STAC: variants seen among roughly 807,000 people sequenced by gnomAD.
The protein encoded by STAC is SH3 and cysteine-rich domain-containing protein.
A neutral mutation model predicts 48.8 loss-of-function variants in STAC; 43 were observed. The observed-to-expected ratio is 0.88, with a 90% CI of 0.69 to 1.14. STAC has a LOEUF of 1.14. Ranked by LOEUF, STAC falls within the 50% of genes most tolerant of loss-of-function variation. The pLI, the probability that STAC is intolerant of heterozygous loss-of-function variation, is 0.00. For missense variants in STAC, 497 were observed against 504.0 expected (o/e 0.99, Z 0.13); for synonymous variants, 193 against 179.5 (o/e 1.07, Z -0.60).
chr3:36,399,083 T>C (rs1396433800), intron 1 of STAC, among the ~76,000 whole-genome samples: 2 of 152,228 alleles, frequency 1.3e-5, no homozygotes, highest in African/African-American at 2.4e-5. Context: ...GGCAGGACTT[T>C]TTTTTTAACT....
At chr3:36,449,206 C>T (rs1284855077) in intron 2 of STAC, among the ~76,000 whole-genome samples, 1 of 152,002 alleles carries the variant, frequency 6.6e-6, no homozygotes, top group Non-Finnish European at 1.5e-5. Context: ...TCTAGCCTAC[C>T]CCCTTTGGAT....
At chr3:36,514,204 CTTTTTTTTTTTTTTTTTTT>C (rs765548085) in intron 8 of STAC, among the ~76,000 whole-genome samples, 2 of 36,422 alleles carry the variant, frequency 5.5e-5, no homozygotes, top group African/African-American at 2.0e-4. Flanking sequence ...CACTGGCCTT[CTTTTTTTTTTTTTTTTTTT>C]TTTTTTTTTT....
At chr3:36,519,068 CTTGT>C (rs1698740081) in intron 8 of STAC, among the ~76,000 whole-genome samples, 1 of 152,106 alleles carries the variant, frequency 6.6e-6, no homozygotes. Flanking sequence ...GCTGGGAAGC[CTTGT>C]TAGTGAGCAG....
chr3:36,465,619 A>C (rs7623278), intron 2 of STAC, among the ~76,000 whole-genome samples: 7 of 152,014 alleles, frequency 4.6e-5, no homozygotes, highest in African/African-American at 1.7e-4. Flanking sequence ...CAGAACTAAC[A>C]GTACTAAAGG....
At chr3:36,464,831 T>TA (rs1185159067) in intron 2 of STAC, among the ~76,000 whole-genome samples, 115 of 138,580 alleles carry the variant, frequency 8.3e-4, no homozygotes, top group Non-Finnish European at 1.5e-3. Flanking sequence ...TGTGTGTGTA[T>TA]TTTTTTTTTT....
At chr3:36,512,300 G>A in intron 8 of STAC, among the ~76,000 whole-genome samples, 1 of 152,188 alleles carries the variant, frequency 6.6e-6, no homozygotes, top group Non-Finnish European at 1.5e-5. Context: ...GTGAGCCAGA[G>A]CAGAGCCTGC....
chr3:36,544,239 G>A (rs1427053470), intron 10 of STAC, among the ~76,000 whole-genome samples: 14 of 152,038 alleles, frequency 9.2e-5, no homozygotes, highest in South Asian at 2.1e-4. Context: ...ATGTGATCTC[G>A]GCTCACTGCA....
At chr3:36,399,581 C>T (rs1699959766) in intron 1 of STAC, among the ~76,000 whole-genome samples, 1 of 152,110 alleles carries the variant, frequency 6.6e-6, no homozygotes, top group Non-Finnish European at 1.5e-5. Flanking sequence ...TTTCATTTGG[C>T]CAATTTAAAG....
chr3:36,396,458 G>A (rs1699860122), intron 1 of STAC, among the ~76,000 whole-genome samples: 1 of 152,080 alleles, frequency 6.6e-6, no homozygotes, highest in Admixed American at 6.5e-5. Flanking sequence ...ACTATACAAA[G>A]TTAGTCACTA....
intron 2 of STAC, among the ~76,000 whole-genome samples, chr3:36,460,574 G>A (rs1414990992): frequency 1.3e-5 from 2 of 152,090 alleles, no homozygotes; most frequent in Non-Finnish European, 2.9e-5. Flanking sequence ...TAGGAGAAGG[G>A]GTGCTGCCGG....
chr3:36,429,505 T>TTC (rs762195178), intron 1 of STAC, among the ~76,000 whole-genome samples: 45 of 152,144 alleles, frequency 3.0e-4, no homozygotes, highest in Non-Finnish European at 5.6e-4. Flanking sequence ...GCCTTCACAT[T>TTC]TCTCTCTCTC....
chr3:36,509,494 T>C (rs184317013), intron 8 of STAC, among the ~76,000 whole-genome samples: 1 of 152,168 alleles, frequency 6.6e-6, no homozygotes, highest in Non-Finnish European at 1.5e-5. Context: ...CCCTGAAGAG[T>C]GTTTTCCAAC....
At chr3:36,467,436 GTC>G (rs534110949) in intron 2 of STAC, among the ~76,000 whole-genome samples, 51 of 152,168 alleles carry the variant, frequency 3.4e-4, no homozygotes, top group African/African-American at 1.2e-3. Flanking sequence ...TTCTTTGAAT[GTC>G]TCTGATAGAA....
At chr3:36,458,975 C>T (rs778578463) in intron 2 of STAC, among the ~76,000 whole-genome samples, 1 of 152,152 alleles carries the variant, frequency 6.6e-6, no homozygotes, top group Non-Finnish European at 1.5e-5. Flanking sequence ...GCTAGTGATG[C>T]TAGTCCATGA....
At chr3:36,413,772 A>G (rs1055329489) in intron 1 of STAC, among the ~76,000 whole-genome samples, 1 of 152,198 alleles carries the variant, frequency 6.6e-6, no homozygotes, top group Non-Finnish European at 1.5e-5. Context: ...CCTAGCATCA[A>G]TAGTCTTTAC....
intron 2 of STAC, among the ~76,000 whole-genome samples, chr3:36,464,554 A>C (rs1363658987): frequency 6.6e-6 from 1 of 152,036 alleles, no homozygotes. Flanking sequence ...AGCAGTGTAC[A>C]CTGTACCAAT....
Position 36,400,616 on chromosome 3 carries a change from T to C in STAC, c.111+19862T>C, listed in dbSNP as rs796073388. Reference sequence around the variant, plus strand: ...GCATCAGAATCACCTAGAGGGCCAATTGAAACACAGATTATTGGACTTCAT... The same window carrying C: ...GCATCAGAATCACCTAGAGGGCCAACTGAAACACAGATTATTGGACTTCAT... On this transcript the variant is annotated intron_variant, in intron 1 of 10. Coordinates refer to ENST00000273183, the MANE Select transcript of STAC (RefSeq NM_003149.3). Among the ~76,000 whole-genome samples, 39 of 152,300 alleles carry C rather than the reference T, an allele frequency of 2.6e-4. No homozygotes were observed. In the South Asian group the frequency reaches 3.1e-3, roughly 12 times the overall value.
intron 5 of STAC, among the ~76,000 whole-genome samples, chr3:36,489,740 C>G (rs527286402): frequency 6.6e-6 from 1 of 152,212 alleles, no homozygotes; most frequent in African/African-American, 2.4e-5. Flanking sequence ...CTATAAAGGC[C>G]CAGGTTCTGC....
intron 10 of STAC, among the ~76,000 whole-genome samples, chr3:36,529,430 C>T (rs922863852): frequency 6.6e-6 from 1 of 152,268 alleles, no homozygotes; most frequent in East Asian, 1.9e-4. Flanking sequence ...CACTGAAGCC[C>T]ATAACACCTT....
Sources: allele counts gnomAD v4.1 joint callset (sites outside exome capture counted in the v4.1 genomes callset), GRCh38; gene constraint gnomAD v4.1.1; transcripts MANE v1.5; gene names NCBI Gene and HGNC (gene_info 2026-07-23, HGNC 2026-07-21).